Variants in CUEDC1 observed in about 807,000 individuals in gnomAD.
CUEDC1 encodes the protein CUE domain-containing protein 1.
CUEDC1 carries 30 observed loss-of-function variants against 43.7 expected under a neutral mutation model. The observed-to-expected ratio is 0.69, with a 90% CI of 0.51 to 0.93. The LOEUF is 0.93. CUEDC1 is among the 40% of genes least tolerant of loss of function. CUEDC1 has a pLI of 0.00. For missense variants in CUEDC1, 486 were observed against 549.0 expected (o/e 0.89, Z 1.15); for synonymous variants, 223 against 223.6 (o/e 1.00, Z 0.02).
At chr17:57,912,826 C>T (rs80086430) in intron 1 of CUEDC1, among the ~76,000 whole-genome samples, 3,390 of 152,190 alleles carry the variant, frequency 0.022, 82 homozygotes, top group South Asian at 0.1. Flanking sequence ...TCAGAATCTC[C>T]GGGGAGCCTT....
intron 1 of CUEDC1, among the ~76,000 whole-genome samples, chr17:57,925,784 G>C (rs1337237198): frequency 1.3e-5 from 2 of 152,228 alleles, no homozygotes; most frequent in Non-Finnish European, 2.9e-5. Context: ...AGGGTCAAAA[G>C]AGAAGGAGCC....
At chr17:57,892,104 G>A (rs529643204) in intron 1 of CUEDC1, among the ~76,000 whole-genome samples, 39 of 152,220 alleles carry the variant, frequency 2.6e-4, no homozygotes, top group East Asian at 1.2e-3. Context: ...TTCCTCCTCC[G>A]GCTCACAGCA....
intron 1 of CUEDC1, among the ~76,000 whole-genome samples, chr17:57,926,803 C>A (rs1033956680): frequency 6.6e-6 from 1 of 152,162 alleles, no homozygotes; most frequent in South Asian, 2.1e-4. Flanking sequence ...TTTCAAACCA[C>A]TCATGTATCC....
At chr17:57,885,179 G>C (rs765299731) in intron 2 of CUEDC1, 50 bp downstream of exon 2, 60 of 1,499,546 alleles carry the variant, frequency 4.0e-5, no homozygotes, top group Non-Finnish European at 3.3e-5. Context: ...TACCTCCGGG[G>C]GGATGCTGTC....
At position 57,866,780 on chromosome 17, in the gene CUEDC1, T is replaced by C. The variant is rs1010426494; in HGVS notation, c.1094-236A>G. 9.4e-6 allele frequency: 5 copies of C among 530,378 alleles called. No individual in the cohort carries two copies. The South Asian group carries it at 1.1e-4, about 12-fold the overall frequency. The allele number at this position is 530,378 out of a possible 1,614,324, so 32.9% of individuals were successfully genotyped here. The stretch of plus-strand genomic sequence containing the variant: ...ACCTTGGACAAGTTCTCCCCTCGTC[T>C]TTGGGCCTCAAATTTCCTCATCTAT... On this transcript the variant is annotated intron_variant, in intron 9 of 10. Transcript: ENST00000577830.
intron 6 of CUEDC1, among the ~76,000 whole-genome samples, chr17:57,870,506 G>A (rs892088883): frequency 1.3e-5 from 2 of 152,146 alleles, no homozygotes; most frequent in African/African-American, 4.8e-5. Flanking sequence ...GATTAATCCT[G>A]CCCTCCTTTT....
At chr17:57,867,160 C>T in intron 9 of CUEDC1, 197 bp downstream of exon 9, 1 of 620,312 alleles carries the variant, frequency 1.6e-6, no homozygotes, top group Non-Finnish European at 2.9e-6. Flanking sequence ...GCTAGGGCCC[C>T]TTTTCAGGGG....
chr17:57,915,026 C>G (rs141862972), intron 1 of CUEDC1: 48 of 152,316 alleles, frequency 3.2e-4, no homozygotes, highest in African/African-American at 1.1e-3. Flanking sequence ...GAAACTCAGG[C>G]ATTGTTCTGC....
chr17:57,917,329 G>C (rs1309460356), intron 1 of CUEDC1, among the ~76,000 whole-genome samples: 2 of 152,174 alleles, frequency 1.3e-5, no homozygotes, highest in Non-Finnish European at 2.9e-5. Flanking sequence ...TGTCATAAGG[G>C]CCTCTTGACT....
At chr17:57,920,045 GA>G (rs1258935544) in intron 1 of CUEDC1, among the ~76,000 whole-genome samples, 16 of 152,186 alleles carry the variant, frequency 1.1e-4, no homozygotes, top group Non-Finnish European at 1.2e-4. Flanking sequence ...AACGCTGCAG[GA>G]AAGATGCCAT....
Position 57,863,282 on chromosome 17 carries a change from GCAT to G in CUEDC1, c.*4_*6del, listed in dbSNP as rs2073907715. The G allele has an allele frequency of 6.6e-6, 1 of 152,658 alleles. No individual in the cohort carries two copies. Among genetic ancestry groups the G allele is most frequent in the Non-Finnish European group, 1.5e-5 (1 of 68,066 alleles). 9.5% of individuals were successfully genotyped at this position (152,658 alleles called of 1,614,324 possible). On this transcript the variant is annotated splice_region_variant and 3_prime_UTR_variant, in exon 11 of 11. Coordinates refer to ENST00000577830, the MANE Select transcript of CUEDC1 (RefSeq NM_001271875.2). ...CATCTCTGGCAAGGAAGAGCTGCTGGCATCTGGTAGGGGAAAAAAGGGATGGGA... is the reference window on the plus strand; with the variant it reads ...CATCTCTGGCAAGGAAGAGCTGCTGGCTGGTAGGGGAAAAAAGGGATGGGA...
At chr17:57,883,331 C>G (rs1252081328) in intron 2 of CUEDC1, among the ~76,000 whole-genome samples, 1 of 152,160 alleles carries the variant, frequency 6.6e-6, no homozygotes, top group African/African-American at 2.4e-5. Context: ...TCAGCAGCAC[C>G]CACTAAGGAG....
At chr17:57,892,812 C>G (rs1045238134) in intron 1 of CUEDC1, 3 of 145,680 alleles carry the variant, frequency 2.1e-5, no homozygotes, top group African/African-American at 7.6e-5. Flanking sequence ...GCACCCAAGA[C>G]CCGCAGAGTT....
intron 1 of CUEDC1, among the ~76,000 whole-genome samples, chr17:57,937,841 A>G (rs975573522): frequency 2.0e-5 from 3 of 152,180 alleles, no homozygotes; most frequent in African/African-American, 7.2e-5. Flanking sequence ...CAGGGGATCC[A>G]GGCTGCAGTG....
intron 10 of CUEDC1, among the ~76,000 whole-genome samples, chr17:57,866,072 C>T (rs925714043): frequency 2.0e-5 from 3 of 152,128 alleles, no homozygotes; most frequent in Non-Finnish European, 2.9e-5. Flanking sequence ...ATCCACCCAC[C>T]TTGGCCTCCC....
At chr17:57,941,320 G>T (rs1456528854) in intron 1 of CUEDC1, among the ~76,000 whole-genome samples, 1 of 152,218 alleles carries the variant, frequency 6.6e-6, no homozygotes, top group Non-Finnish European at 1.5e-5. Flanking sequence ...ATTCTGTCAG[G>T]AACTGGTGTC....
chr17:57,893,712 G>A (rs2074380521), intron 1 of CUEDC1, among the ~76,000 whole-genome samples: 3 of 152,228 alleles, frequency 2.0e-5, no homozygotes, highest in Admixed American at 2.0e-4. Flanking sequence ...AGGAGGAGGA[G>A]GAGCAGGGGA....
At chr17:57,941,867 A>T (rs1420579120) in intron 1 of CUEDC1, among the ~76,000 whole-genome samples, 1 of 152,244 alleles carries the variant, frequency 6.6e-6, no homozygotes, top group Non-Finnish European at 1.5e-5. Context: ...GGCTGGGGCC[A>T]GGAAGGAAAA....
At chr17:57,900,118 G>C (rs1052832533) in intron 1 of CUEDC1, among the ~76,000 whole-genome samples, 1 of 152,242 alleles carries the variant, frequency 6.6e-6, no homozygotes, top group African/African-American at 2.4e-5. Flanking sequence ...CCTCAGGCCA[G>C]CTGGGGCTGG....
Sources: allele counts gnomAD v4.1 joint callset (sites outside exome capture counted in the v4.1 genomes callset), GRCh38; gene constraint gnomAD v4.1.1; transcripts MANE v1.5; gene names NCBI Gene and HGNC (gene_info 2026-07-23, HGNC 2026-07-21).